Variants in USP43 observed in about 807,000 individuals in gnomAD.
The protein encoded by USP43 is ubiquitin specific peptidase 43.
In USP43, 33 loss-of-function variants were observed where a neutral mutation model predicts 90.7. The observed-to-expected ratio is 0.36, with a 90% CI of 0.28 to 0.49. The LOEUF is 0.49. Ranked by LOEUF, USP43 falls within the 20% of genes least tolerant of loss-of-function variation. The pLI is 0.98. For missense variants in USP43, 1,274 were observed against 1,476.4 expected (o/e 0.86, Z 2.25); for synonymous variants, 598 against 615.8 (o/e 0.97, Z 0.43).
In USP43 at chr17:9,686,435, GTTCCC is replaced by G. The variant is rs1346343967; in HGVS notation, c.1242-360_1242-356del. 1.3e-5 allele frequency among the ~76,000 whole-genome samples: 2 copies of G among 152,136 alleles called. No homozygotes were observed. The highest frequency in any genetic ancestry group is 4.8e-5 in the African/African-American group (2 of 41,428). On this transcript the variant is annotated intron_variant, in intron 7 of 14. Transcript: ENST00000285199. This position sits in a 1 kb window ranked among gnomAD's most constrained non-coding sequence, Gnocchi z 5.5. ...CCATTCCCACCAACAGTGTATAAGA[GTTCCC>G]TTTTCTCCATATCCTCACCAGCATT...
intron 14 of USP43, among the ~76,000 whole-genome samples, chr17:9,724,379 C>T (rs1917139395): frequency 6.6e-6 from 1 of 152,142 alleles, no homozygotes; most frequent in East Asian, 1.9e-4. Flanking sequence ...TTGTACTCGG[C>T]TCAAGAAACA....
chr17:9,720,934 T>G (rs901053025), intron 14 of USP43, among the ~76,000 whole-genome samples: 3 of 152,174 alleles, frequency 2.0e-5, no homozygotes, highest in Admixed American at 1.3e-4. Context: ...CAGCTCTCTG[T>G]ATAGAAATGC....
intron 8 of USP43, among the ~76,000 whole-genome samples, chr17:9,689,674 G>A (rs963622986): frequency 1.3e-5 from 2 of 152,112 alleles, no homozygotes; most frequent in South Asian, 2.1e-4. Context: ...TTGGCCTCCC[G>A]AAGTGCTGGG....
At chr17:9,676,362 T>C (rs148329643) in intron 4 of USP43, among the ~76,000 whole-genome samples, 10 of 152,108 alleles carry the variant, frequency 6.6e-5, no homozygotes, top group Admixed American at 1.3e-4. Flanking sequence ...ACTTGATCCA[T>C]TATCTTTCTT....
At chr17:9,711,367 A>G (rs1024264608) in intron 13 of USP43, among the ~76,000 whole-genome samples, 4 of 152,248 alleles carry the variant, frequency 2.6e-5, no homozygotes, top group Admixed American at 2.0e-4. Context: ...GCTGGTGATA[A>G]GTAATTTCAT....
intron 1 of USP43, among the ~76,000 whole-genome samples, chr17:9,655,483 T>C (rs367908980): frequency 1.3e-5 from 2 of 152,364 alleles, no homozygotes; most frequent in East Asian, 3.9e-4. Context: ...TATTGTTTTT[T>C]AGTATGTGCA....
At chr17:9,679,650 G>A (rs911849548) in intron 5 of USP43, among the ~76,000 whole-genome samples, 11 of 149,080 alleles carry the variant, frequency 7.4e-5, no homozygotes, top group East Asian at 4.0e-4. Flanking sequence ...CTCAGCCTCC[G>A]TAGTAGCTGG....
At chr17:9,662,612 C>G (rs768412438) in intron 2 of USP43, among the ~76,000 whole-genome samples, 6 of 152,070 alleles carry the variant, frequency 3.9e-5, no homozygotes, top group Non-Finnish European at 4.4e-5. Flanking sequence ...TTTCCTGAAC[C>G]CTTGAGCCTC....
In USP43 at chr17:9,686,965, G is replaced by T. The variant is rs1914632305; in HGVS notation, c.1353+56G>T. 6.8e-7 allele frequency: 1 copy of T among 1,476,144 alleles called. No homozygotes were observed. Among genetic ancestry groups the T allele is most frequent in the African/African-American group, 1.4e-5 (1 of 72,580 alleles). 91.4% of individuals were successfully genotyped at this position (1,476,144 alleles called of 1,614,324 possible). On this transcript the variant is annotated intron_variant, in intron 8 of 14. Transcript: ENST00000285199. The surrounding 1 kb of genome is among the most constrained non-coding windows in gnomAD (Gnocchi z 5.5). ...TGCGTGCATGCGCATGTGCATGCGTGTGTGTGGGTGTGTGTATTGGGAGGG... is the reference window on the plus strand; with the variant it reads ...TGCGTGCATGCGCATGTGCATGCGTTTGTGTGGGTGTGTGTATTGGGAGGG...
At chr17:9,652,966 A>G (rs996984077) in intron 1 of USP43, among the ~76,000 whole-genome samples, 11 of 152,112 alleles carry the variant, frequency 7.2e-5, no homozygotes, top group Admixed American at 4.6e-4. Context: ...TGACCGGATT[A>G]TTATTTTCTT....
At position 9,673,230 on chromosome 17, in the gene USP43, G is replaced by A. The variant is rs545318658; in HGVS notation, c.741-1661G>A. Reference sequence around the variant, plus strand: ...GAATATAAAAGTTGCATTTCAGCCGGGGGCAGTGGCTCACGCCTGTAATCC... The same window carrying A: ...GAATATAAAAGTTGCATTTCAGCCGAGGGCAGTGGCTCACGCCTGTAATCC... On this transcript the variant is annotated intron_variant, in intron 3 of 14. Coordinates refer to ENST00000285199, the MANE Select transcript of USP43 (RefSeq NM_153210.5). Among the ~76,000 whole-genome samples the A allele has an allele frequency of 3.9e-5, 6 of 152,286 alleles. No individual in the cohort carries two copies. The South Asian group carries it at 1.2e-3, about 32-fold the overall frequency.
At chr17:9,670,058 A>ATTTTTTTTTT in intron 3 of USP43, among the ~76,000 whole-genome samples, 1 of 118,808 alleles carries the variant, frequency 8.4e-6, no homozygotes, top group African/African-American at 3.4e-5. Context: ...TTTTTTTTTG[A>ATTTTTTTTTT]GACGGAGTCT....
chr17:9,720,066 C>CA (rs1280293984), intron 14 of USP43, among the ~76,000 whole-genome samples: 7 of 147,252 alleles, frequency 4.8e-5, no homozygotes, highest in East Asian at 2.0e-4. Flanking sequence ...GACCCTGTCT[C>CA]AAAAAAAAAG....
intron 9 of USP43, among the ~76,000 whole-genome samples, chr17:9,693,655 G>T (rs1484768807): frequency 6.6e-6 from 1 of 152,048 alleles, no homozygotes; most frequent in Non-Finnish European, 1.5e-5. Context: ...GGCCAACATG[G>T]TGAAACCCCA....
chr17:9,722,984 C>T (rs73259678), intron 14 of USP43, among the ~76,000 whole-genome samples: 1,572 of 152,310 alleles, frequency 0.01, 29 homozygotes, highest in African/African-American at 0.036. Flanking sequence ...TGTCACCCCC[C>T]ATCTTGAGGT....
In USP43 at chr17:9,674,846, G is replaced by T. The variant is rs960562768; in HGVS notation, c.741-45G>T. 2 of 1,519,190 alleles carry T rather than the reference G, an allele frequency of 1.3e-6. No individual in the cohort carries two copies. The highest frequency in any genetic ancestry group is 1.8e-6 in the Non-Finnish European group (2 of 1,094,162). 94.1% of individuals were successfully genotyped at this position (1,519,190 alleles called of 1,614,324 possible). ...CTGTATTGAATTTTACCCCCAAATT[G>T]TTTACGTGTGATTAAACGTTCGCCT... On this transcript the variant is annotated intron_variant, in intron 3 of 14. Transcript: ENST00000285199. This position sits in a 1 kb window ranked among gnomAD's most constrained non-coding sequence, Gnocchi z 4.4.
chr17:9,656,093 A>T (rs751929363), intron 1 of USP43, among the ~76,000 whole-genome samples: 1 of 152,202 alleles, frequency 6.6e-6, no homozygotes, highest in Non-Finnish European at 1.5e-5. Context: ...TCGGTGGGTC[A>T]GATGGTCAAC....
chr17:9,722,068 T>C (rs1425000602), intron 14 of USP43, among the ~76,000 whole-genome samples: 1 of 152,134 alleles, frequency 6.6e-6, no homozygotes, highest in Non-Finnish European at 1.5e-5. Context: ...ATCCTTGCAT[T>C]TTAATAATTT....
Position 9,656,383 on chromosome 17 carries a change from ATTTCCT to A in USP43, c.505-16_505-11del. The A allele has an allele frequency of 6.2e-7, 1 of 1,607,638 alleles. No individual in the cohort carries two copies. Among genetic ancestry groups the A allele is most frequent in the East Asian group, 2.2e-5 (1 of 44,734 alleles). On this transcript the variant is annotated splice_polypyrimidine_tract_variant and intron_variant, in intron 1 of 14. Coordinates refer to ENST00000285199, the MANE Select transcript of USP43 (RefSeq NM_153210.5). ...TATAAGGGGCCAAATTCACCTCTCG[ATTTCCT>A]TTTTTCCTTTCAGAATGCAGTTTCC...
Sources: allele counts gnomAD v4.1 joint callset (sites outside exome capture counted in the v4.1 genomes callset), GRCh38; gene constraint gnomAD v4.1.1; non-coding constraint Gnocchi (gnomAD v3.1); transcripts MANE v1.5; gene names NCBI Gene and HGNC (gene_info 2026-07-23, HGNC 2026-07-21).